USP43: variants seen among roughly 807,000 people sequenced by gnomAD.
USP43 encodes the protein ubiquitin specific peptidase 43, also known as ubiquitin carboxyl-terminal hydrolase 43.
In USP43, 33 loss-of-function variants were observed where a neutral mutation model predicts 90.7. The observed-to-expected ratio is 0.36, with a 90% CI of 0.28 to 0.49. USP43 has a LOEUF of 0.49. Ranked by LOEUF, USP43 falls within the 20% of genes least tolerant of loss-of-function variation. The pLI is 0.98. For synonymous variants in USP43, 598 were observed against 615.8 expected (o/e 0.97, Z 0.43); for missense variants, 1,274 against 1,476.4 (o/e 0.86, Z 2.25).
At chr17:9,691,868 C>T (rs1466259274) in intron 8 of USP43, among the ~76,000 whole-genome samples, 3 of 151,180 alleles carry the variant, frequency 2.0e-5, no homozygotes, top group African/African-American at 4.9e-5. Flanking sequence ...GGTGAAACCC[C>T]GTCTTTACTA....
intron 13 of USP43, among the ~76,000 whole-genome samples, chr17:9,711,211 A>T (rs912877719): frequency 9.9e-5 from 15 of 152,206 alleles, no homozygotes; most frequent in African/African-American, 3.6e-4. Flanking sequence ...AACTCCTGTA[A>T]CATGGCTTAT....
chr17:9,681,462 T>TCATATATATA (rs1555550104), intron 6 of USP43, among the ~76,000 whole-genome samples: 1 of 18,578 alleles, frequency 5.4e-5, no homozygotes, highest in Non-Finnish European at 8.6e-5. Flanking sequence ...ATAAAATATA[T>TCATATATATA]TATATATATA....
intron 6 of USP43, 73 bp from the exon 7 acceptor site, chr17:9,682,750 G>C: frequency 6.5e-7 from 1 of 1,548,960 alleles, no homozygotes; most frequent in Non-Finnish European, 8.7e-7. Context: ...AGAGGGACTA[G>C]AGAAGCTAAG....
chr17:9,707,005 T>C (rs991553277), intron 12 of USP43, among the ~76,000 whole-genome samples: 9 of 152,116 alleles, frequency 5.9e-5, no homozygotes, highest in African/African-American at 1.9e-4. Flanking sequence ...GCCCCAACAA[T>C]TGGTAACTTT....
chr17:9,683,042 C>G, intron 7 of USP43, 84 bp downstream of exon 7: 1 of 1,501,244 alleles, frequency 6.7e-7, no homozygotes, highest in Non-Finnish European at 9.0e-7. Flanking sequence ...TAAAATTAAA[C>G]ATTTATTCCC....
intron 1 of USP43, among the ~76,000 whole-genome samples, chr17:9,655,614 A>G (rs140308767): frequency 7.5e-4 from 114 of 152,332 alleles, no homozygotes; most frequent in African/African-American, 2.5e-3. Context: ...TGCAAACACC[A>G]CGAGGGCAGT....
intron 12 of USP43, among the ~76,000 whole-genome samples, chr17:9,702,712 C>T (rs1597871326): frequency 1.3e-5 from 2 of 152,204 alleles, no homozygotes; most frequent in Non-Finnish European, 2.9e-5. Context: ...GGTGAGAAGC[C>T]TATTGGTAGC....
intron 1 of USP43, among the ~76,000 whole-genome samples, chr17:9,653,228 G>A (rs1163331001): frequency 2.6e-5 from 4 of 152,192 alleles, no homozygotes; most frequent in African/African-American, 9.7e-5. Flanking sequence ...GATGAAGAGT[G>A]TCAGGCTTAA....
chr17:9,699,141 G>A (rs34623752), intron 9 of USP43, among the ~76,000 whole-genome samples: 1 of 152,220 alleles, frequency 6.6e-6, no homozygotes, highest in Non-Finnish European at 1.5e-5. Flanking sequence ...GTAGGACATA[G>A]GTAGGCCTAA....
At chr17:9,705,049 C>T (rs913069893) in intron 12 of USP43, among the ~76,000 whole-genome samples, 12 of 152,022 alleles carry the variant, frequency 7.9e-5, no homozygotes, top group African/African-American at 4.8e-5. Context: ...AAAATTCACA[C>T]GGCCTAAAAA....
At chr17:9,724,466 G>A (rs1216878661) in intron 14 of USP43, among the ~76,000 whole-genome samples, 1 of 152,122 alleles carries the variant, frequency 6.6e-6, no homozygotes, top group Non-Finnish European at 1.5e-5. Flanking sequence ...GATCACCTGA[G>A]GTCAGGAGTT....
intron 5 of USP43, among the ~76,000 whole-genome samples, chr17:9,678,302 GTA>G (rs1913919540): frequency 6.6e-6 from 1 of 152,124 alleles, no homozygotes; most frequent in Non-Finnish European, 1.5e-5. Context: ...ACTGGCAAGT[GTA>G]TTATATTTAT....
chr17:9,701,174 C>A lies in USP43; in HGVS notation c.1591C>A (p.Gln531Lys). 3.2e-6 allele frequency: 5 copies of A among 1,543,204 alleles called. No homozygotes were observed. Among genetic ancestry groups the A allele is most frequent in the Non-Finnish European group, 4.4e-6 (5 of 1,143,200 alleles). ...GCAGGATGCCGACAGTGTGTGGCAG[C>A]AGCAGCAGGCGCATCAGCAGCACAG... ...RAQDADSVWQ[Q>K]QQAHQQHSCT... Residue 531 changes from glutamine to lysine, a missense_variant, in exon 11 of 15, where the codon CAG becomes AAG. Physicochemically the swap from Gln to Lys is moderately conservative, Grantham distance 53. Around this residue, in one of 6 missense-constraint regions of USP43, gnomAD observed 253 missense variants for 276.0 expected, o/e 0.92. Coordinates refer to ENST00000285199, the MANE Select transcript of USP43 (RefSeq NM_153210.5). This position sits in a 1 kb window ranked among gnomAD's most constrained non-coding sequence, Gnocchi z 7.2.
At chr17:9,720,203 G>A (rs1916859201) in intron 14 of USP43, among the ~76,000 whole-genome samples, 1 of 151,508 alleles carries the variant, frequency 6.6e-6, no homozygotes, top group African/African-American at 2.4e-5. Flanking sequence ...GTGTGTGCCT[G>A]TAGTCCCAGC....
intron 2 of USP43, among the ~76,000 whole-genome samples, chr17:9,661,364 T>C (rs937791472): frequency 1.3e-5 from 2 of 152,108 alleles, no homozygotes; most frequent in Non-Finnish European, 2.9e-5. Context: ...TTTTATTTAT[T>C]TATTTTTTTT....
intron 14 of USP43, 27 bp from the exon 15 acceptor site, chr17:9,727,927 C>T (rs183655291): frequency 6.3e-7 from 1 of 1,577,110 alleles, no homozygotes; most frequent in Admixed American, 1.8e-5. Context: ...GTGGCTTGTA[C>T]ACTGACAGTC....
At chr17:9,702,828 A>T (rs1264600195) in intron 12 of USP43, among the ~76,000 whole-genome samples, 1 of 152,164 alleles carries the variant, frequency 6.6e-6, no homozygotes, top group African/African-American at 2.4e-5. Flanking sequence ...CGGAGAATGG[A>T]TGGAACAGGC....
intron 1 of USP43, chr17:9,647,591 C>T (rs1397542405): frequency 6.6e-6 from 1 of 152,146 alleles, no homozygotes; most frequent in Non-Finnish European, 1.5e-5. Flanking sequence ...ATCACGACAC[C>T]TTCTCACCTG....
In USP43 at chr17:9,676,865, G is replaced by A. The variant is rs1913818736; in HGVS notation, c.953G>A (p.Gly318Asp). 6.2e-7 allele frequency: 1 copy of A among 1,613,866 alleles called. No homozygotes were observed. Among genetic ancestry groups the A allele is most frequent in the Middle Eastern group, 1.7e-4 (1 of 6,060 alleles). ...ALRKMVAEEG[G>D]VPADEVILVE... ...AGGAAGATGGTTGCAGAGGAAGGAG[G>A]CGTCCCTGCAGATGAGGTGTGATAG... Residue 318 changes from glycine (G) to aspartate (D), a missense_variant, in exon 5 of 15, where the codon GGC becomes GAC. Gly to Asp is a moderately conservative substitution (Grantham distance 94, BLOSUM62 -1). Around this residue, in one of 6 missense-constraint regions of USP43, gnomAD observed 259 missense variants for 373.7 expected, o/e 0.69. Coordinates refer to ENST00000285199, the MANE Select transcript of USP43 (RefSeq NM_153210.5).
Sources: gnomAD v4.1 joint callset for allele counts (sites outside exome capture counted in the v4.1 genomes callset) on GRCh38, gnomAD v4.1.1 for gene constraint, gnomAD v4.1.1 regional missense constraint, Gnocchi (gnomAD v3.1) non-coding constraint, MANE v1.5 for transcripts, NCBI Gene and HGNC (gene_info 2026-07-23, HGNC 2026-07-21) for gene names.